The following ERBB4 variants were observed in gnomAD, a reference collection of about 807,000 sequenced individuals.
ERBB4 encodes receptor tyrosine-protein kinase erbB-4.
Under a neutral mutation model 158.0 loss-of-function variants are expected in ERBB4, and 42 were observed. The ratio of observed to expected loss-of-function variants is 0.27; its 90% confidence interval spans 0.21 to 0.34. The LOEUF is 0.34. Among genes scored for constraint, ERBB4 ranks in the 10% least tolerant of loss-of-function variants. The pLI is 1.00. For synonymous variants in ERBB4, 583 were observed against 558.7 expected, an observed-to-expected ratio of 1.04 and a Z score of -0.61; for missense variants, 1,333 against 1,624.1, an observed-to-expected ratio of 0.82 and a Z score of 3.08.
intron 20 of ERBB4, among the ~76,000 whole-genome samples, chr2:211,466,354 A>G (rs913419481): frequency 2.0e-5 from 3 of 150,402 alleles, no homozygotes; most frequent in Non-Finnish European, 4.4e-5. Context: ...TTTTTTAAAA[A>G]AAAAAAAAGG....
intron 3 of ERBB4, among the ~76,000 whole-genome samples, chr2:211,897,597 C>T (rs924678150): frequency 1.3e-5 from 2 of 152,028 alleles, no homozygotes; most frequent in Admixed American, 6.6e-5. Context: ...CCTCCTTGAC[C>T]CTGCCTCAAC....
chr2:211,426,169 C>CTGAT (rs957759014), intron 22 of ERBB4, among the ~76,000 whole-genome samples: 41 of 151,246 alleles, frequency 2.7e-4, no homozygotes, highest in Admixed American at 2.1e-3. Flanking sequence ...TCTACTTCTT[C>CTGAT]TGATAATAAT....
At chr2:212,071,641 A>T (rs1423709683) in intron 2 of ERBB4, among the ~76,000 whole-genome samples, 1 of 152,022 alleles carries the variant, frequency 6.6e-6, no homozygotes, top group Non-Finnish European at 1.5e-5. Context: ...ATTCACGAGA[A>T]AGAATACTTT....
At chr2:211,887,286 G>C (rs1040448084) in intron 3 of ERBB4, among the ~76,000 whole-genome samples, 6 of 140,200 alleles carry the variant, frequency 4.3e-5, no homozygotes, top group Admixed American at 4.2e-4. Flanking sequence ...ACACAGGTGA[G>C]AGAAACAACA....
intron 3 of ERBB4, among the ~76,000 whole-genome samples, chr2:211,918,463 A>T (rs1176672265): frequency 6.6e-6 from 1 of 152,052 alleles, no homozygotes; most frequent in African/African-American, 2.4e-5. Flanking sequence ...ACCTTTACCT[A>T]CACTGTGGTG....
intron 12 of ERBB4, among the ~76,000 whole-genome samples, chr2:211,699,203 A>C (rs2073138638): frequency 6.6e-6 from 1 of 152,106 alleles, no homozygotes; most frequent in South Asian, 2.1e-4. Flanking sequence ...ATGCACGGAT[A>C]TGTTTTCTAG....
chr2:211,558,042 A>C (rs2067285707), intron 20 of ERBB4, among the ~76,000 whole-genome samples: 1 of 152,198 alleles, frequency 6.6e-6, no homozygotes, highest in African/African-American at 2.4e-5. Context: ...ACTTGTTAGC[A>C]CTTATACAGG....
intron 2 of ERBB4, among the ~76,000 whole-genome samples, chr2:212,007,784 T>C (rs2076291924): frequency 6.6e-6 from 1 of 151,920 alleles, no homozygotes; most frequent in African/African-American, 2.4e-5. Context: ...CACAAATAAT[T>C]ACTAAAAATA....
chr2:211,943,747 A>G (rs1374422605), intron 3 of ERBB4, among the ~76,000 whole-genome samples: 1 of 152,102 alleles, frequency 6.6e-6, no homozygotes, highest in South Asian at 2.1e-4. Context: ...GGCCAGAAAA[A>G]TAGGTTTAAA....
chr2:211,400,806 A>G (rs2063023651), intron 25 of ERBB4, among the ~76,000 whole-genome samples: 1 of 152,114 alleles, frequency 6.6e-6, no homozygotes, highest in South Asian at 2.1e-4. Context: ...AACACAAAGG[A>G]CAAATGTTTG....
At chr2:211,760,302 G>A (rs2075377819) in intron 4 of ERBB4, among the ~76,000 whole-genome samples, 1 of 152,182 alleles carries the variant, frequency 6.6e-6, no homozygotes, top group East Asian at 1.9e-4. Flanking sequence ...CTAGCTCCAG[G>A]AGTGTGCCAA....
At chr2:211,485,354 A>G (rs2065177241) in intron 20 of ERBB4, among the ~76,000 whole-genome samples, 1 of 152,100 alleles carries the variant, frequency 6.6e-6, no homozygotes, top group Admixed American at 6.5e-5. Context: ...TCTGTCATTA[A>G]CCTTGTTCGT....
chr2:211,856,434 G>A (rs2077864073), intron 3 of ERBB4, among the ~76,000 whole-genome samples: 1 of 151,454 alleles, frequency 6.6e-6, no homozygotes. Flanking sequence ...CGCCCAGGCT[G>A]GAGTGCAGTG....
chr2:211,671,790 G>T (rs912198872), intron 14 of ERBB4, among the ~76,000 whole-genome samples: 3 of 151,968 alleles, frequency 2.0e-5, no homozygotes, highest in Non-Finnish European at 4.4e-5. Context: ...ATCCCAACCT[G>T]CCTTAACAAG....
At chr2:212,087,013 C>T (rs547826789) in intron 2 of ERBB4, among the ~76,000 whole-genome samples, 5 of 151,962 alleles carry the variant, frequency 3.3e-5, no homozygotes, top group African/African-American at 4.8e-5. Context: ...TAGTCACATC[C>T]ACTTATATTC....
chr2:211,984,959 T>A (rs1391937557), intron 2 of ERBB4, among the ~76,000 whole-genome samples: 1 of 152,136 alleles, frequency 6.6e-6, no homozygotes, highest in Non-Finnish European at 1.5e-5. Flanking sequence ...ATCAAACTCC[T>A]GACCTCCGGT....
At chr2:211,505,343 T>C (rs1315177134) in intron 20 of ERBB4, among the ~76,000 whole-genome samples, 81 of 151,936 alleles carry the variant, frequency 5.3e-4, no homozygotes, top group Non-Finnish European at 2.8e-4. Context: ...CAGCCAAGAA[T>C]CTCATATCCT....
At chr2:211,861,706 A>C (rs1204278731) in intron 3 of ERBB4, among the ~76,000 whole-genome samples, 3 of 152,222 alleles carry the variant, frequency 2.0e-5, no homozygotes, top group Non-Finnish European at 4.4e-5. Flanking sequence ...AAAAAATTAC[A>C]GAAAATGTAT....
chr2:211,965,919 T>C (rs2081297677), intron 2 of ERBB4, among the ~76,000 whole-genome samples: 1 of 152,176 alleles, frequency 6.6e-6, no homozygotes, highest in African/African-American at 2.4e-5. Flanking sequence ...TTTTTAAAAA[T>C]ATTTCAATAT....
Sources: allele counts gnomAD v4.1 joint callset (sites outside exome capture counted in the v4.1 genomes callset), GRCh38; gene constraint gnomAD v4.1.1; transcripts MANE v1.5; gene names NCBI Gene and HGNC (gene_info 2026-07-23, HGNC 2026-07-21).